Variants in INTS10 observed in about 807,000 individuals in gnomAD.
INTS10 encodes the protein integrator complex subunit 10, also known as chromosome 8 open reading frame 35.
A neutral mutation model predicts 94.4 loss-of-function variants in INTS10; 44 were observed. That is an observed-to-expected ratio of 0.47 (90% CI 0.37 to 0.60). The LOEUF (loss-of-function observed/expected upper bound fraction) is 0.60, where lower values mean the gene tolerates loss of function less well. INTS10 is among the 20% of genes least tolerant of loss of function. INTS10 has a pLI of 0.00. For missense variants in INTS10, 797 were observed against 868.7 expected, an observed-to-expected ratio of 0.92 and a Z score of 1.04; for synonymous variants, 341 against 320.7, an observed-to-expected ratio of 1.06 and a Z score of -0.68.
In INTS10 at chr8:19,817,518, G is replaced by T; in HGVS notation, c.-20G>T. On this transcript the variant is annotated 5_prime_UTR_variant, in exon 1 of 17. Transcript: ENST00000397977. ...GACGTTCCGGCCGCTTCGGGCTGGC[G>T]GCTGGAGAGCGCTCGGGTCATGTCT... is the stretch of plus-strand genomic sequence containing the variant. The T allele has an allele frequency of 1.2e-6, 2 of 1,601,348 alleles. No individual in the cohort carries two copies. Among genetic ancestry groups the T allele is most frequent in the Non-Finnish European group, 8.5e-7 (1 of 1,175,518 alleles).
At chr8:19,823,254 G>C (rs776816654) in intron 5 of INTS10, 47 bp from the exon 6 acceptor site, 19 of 1,486,926 alleles carry the variant, frequency 1.3e-5, no homozygotes, top group Non-Finnish European at 1.7e-5. Flanking sequence ...CGGAACTCTA[G>C]GGTAGACAAC....
intron 7 of INTS10, 172 bp downstream of exon 7, chr8:19,824,216 G>A: frequency 1.9e-6 from 1 of 522,164 alleles, no homozygotes; most frequent in Non-Finnish European, 3.3e-6. Context: ...TTCTGACTGG[G>A]CACAATGGCT....
chr8:19,848,262 ACTTCTCCC>A (rs2068740109), intron 16 of INTS10, among the ~76,000 whole-genome samples: 1 of 152,074 alleles, frequency 6.6e-6, no homozygotes, highest in African/African-American at 2.4e-5. Flanking sequence ...AGCAGTGTAC[ACTTCTCCC>A]CGGGGGTAAG....
At chr8:19,841,848 A>G (rs1301880230) in intron 13 of INTS10, 1 of 455,874 alleles carries the variant, frequency 2.2e-6, no homozygotes, top group South Asian at 1.6e-5. Flanking sequence ...TCAACCAGAA[A>G]TTTTCTTTTT....
chr8:19,842,882 G>A lies in INTS10; in HGVS notation c.1674G>A (p.Lys558=). 6.2e-7 allele frequency: 1 copy of A among 1,613,240 alleles called. No homozygotes were observed. The highest frequency in any genetic ancestry group is 8.5e-7 in the Non-Finnish European group (1 of 1,179,370). ...SDLKLLPCTS[K]AIMPYCLHLM... ...TGAAGCTCCTGCCTTGTACCAGCAA[G>A]GCTATCATGCCATACTGCCTCCATT... Residue 558 remains lysine, a synonymous_variant, in exon 14 of 17, where the codon AAG becomes AAA. Transcript: ENST00000397977.
At chr8:19,845,076 T>C (rs1354434688) in intron 15 of INTS10, among the ~76,000 whole-genome samples, 1 of 152,144 alleles carries the variant, frequency 6.6e-6, no homozygotes, top group Non-Finnish European at 1.5e-5. Context: ...GTAATAGTTT[T>C]TAACCATGGT....
rs926767594 is a variant in INTS10 at position 19,817,741 on chromosome 8, G to A, written c.129+75G>A. The A allele has an allele frequency of 8.2e-5, 125 of 1,526,818 alleles. No homozygotes were observed. The African/African-American group carries it at 1.6e-3, about 20-fold the overall frequency. 94.6% of individuals were successfully genotyped at this position (1,526,818 alleles called of 1,614,324 possible). A position where few individuals can be genotyped will look rare whatever the true frequency, so the allele number is the denominator to read the frequency against. On this transcript the variant is annotated intron_variant, in intron 1 of 16. Transcript: ENST00000397977. ...CCGTCGCCCGGGCTGCCCTGGCCCA[G>A]AGCTGCGCCTGCCTGGGGGCTGCCG...
chr8:19,833,132 G>A (rs1278894959), intron 11 of INTS10, 37 bp from the exon 12 acceptor site: 8 of 1,480,482 alleles, frequency 5.4e-6, no homozygotes, highest in African/African-American at 1.4e-5. Context: ...TTTTAACAGC[G>A]ATGCTTTTCC....
Position 19,849,969 on chromosome 8 carries a change from G to T in INTS10, c.1977-1680G>T, listed in dbSNP as rs973165794. 1.3e-5 allele frequency among the ~76,000 whole-genome samples: 2 copies of T among 151,776 alleles called. No individual in the cohort carries two copies. Among genetic ancestry groups the T allele is most frequent in the African/African-American group, 4.8e-5 (2 of 41,340 alleles). ...TATTTTTAGTGGTATTAAAAGCAGGGTTTATTAGCCAGGCCTGGTGGCATA... is the reference window on the plus strand; with the variant it reads ...TATTTTTAGTGGTATTAAAAGCAGGTTTTATTAGCCAGGCCTGGTGGCATA... On this transcript the variant is annotated intron_variant, in intron 16 of 16. Coordinates refer to ENST00000397977, the MANE Select transcript of INTS10 (RefSeq NM_018142.4). This position sits in a 1 kb window ranked among gnomAD's most constrained non-coding sequence, Gnocchi z 4.6.
At chr8:19,818,398 G>C (rs1015753130) in intron 2 of INTS10, 56 bp downstream of exon 2, 4 of 1,551,658 alleles carry the variant, frequency 2.6e-6, no homozygotes, top group Non-Finnish European at 3.6e-6. Context: ...ATGAGGTTTT[G>C]TTTCTCTCTG....
rs180855263 is a variant in INTS10 at position 19,836,919 on chromosome 8, T to A, written c.1531-133T>A. 1.4e-5 allele frequency: 9 copies of A among 635,182 alleles called. No individual in the cohort carries two copies. The East Asian group carries it at 2.4e-4, about 17-fold the overall frequency. The allele number at this position is 635,182 out of a possible 1,614,324, so 39.3% of individuals were successfully genotyped here. A position where few individuals can be genotyped will look rare whatever the true frequency, so the allele number is the denominator to read the frequency against. ...ATTCACTATTGAGCAATGGTAATGATCACATAGAGAGGTAGAAATACAGAC... is the reference window on the plus strand; with the variant it reads ...ATTCACTATTGAGCAATGGTAATGAACACATAGAGAGGTAGAAATACAGAC... On this transcript the variant is annotated intron_variant, in intron 12 of 16. Transcript: ENST00000397977.
chr8:19,819,098 G>A (rs1489258137), intron 2 of INTS10, among the ~76,000 whole-genome samples: 1 of 152,140 alleles, frequency 6.6e-6, no homozygotes, highest in Non-Finnish European at 1.5e-5. Flanking sequence ...TATAAAGAGT[G>A]TGTTTTCCCA....
chr8:19,845,597 T>A, intron 15 of INTS10, 107 bp from the exon 16 acceptor site: 1 of 748,932 alleles, frequency 1.3e-6, no homozygotes, highest in Non-Finnish European at 2.4e-6. Context: ...GCACCTTTTT[T>A]AGTGGGATGG....
intron 9 of INTS10, among the ~76,000 whole-genome samples, chr8:19,828,946 G>T (rs1302926804): frequency 6.6e-6 from 1 of 152,050 alleles, no homozygotes; most frequent in Admixed American, 6.6e-5. Context: ...AGAACAGTGG[G>T]GTAGGGAAAA....
intron 13 of INTS10, among the ~76,000 whole-genome samples, chr8:19,839,901 A>G (rs985926860): frequency 1.3e-5 from 2 of 151,862 alleles, no homozygotes; most frequent in African/African-American, 4.8e-5. Context: ...CATCTCTACT[A>G]ACAGTACAAA....
intron 3 of INTS10, 52 bp from the exon 4 acceptor site, chr8:19,820,327 C>T: frequency 6.4e-7 from 1 of 1,557,196 alleles, no homozygotes; most frequent in Non-Finnish European, 8.8e-7. Flanking sequence ...ACTGTTGCTG[C>T]AGTCTTTTCT....
intron 9 of INTS10, among the ~76,000 whole-genome samples, chr8:19,827,454 G>A (rs920359602): frequency 6.6e-6 from 1 of 152,064 alleles, no homozygotes; most frequent in African/African-American, 2.4e-5. Context: ...CTGGTTTACT[G>A]TCTCTGTCCC....
intron 5 of INTS10, among the ~76,000 whole-genome samples, chr8:19,822,963 C>T (rs1265780363): frequency 6.7e-6 from 1 of 149,134 alleles, no homozygotes; most frequent in Non-Finnish European, 1.5e-5. Flanking sequence ...AAAAAAAAAG[C>T]ATTTTAAACA....
chr8:19,835,313 G>A (rs559477267), intron 12 of INTS10, among the ~76,000 whole-genome samples: 3 of 152,134 alleles, frequency 2.0e-5, no homozygotes, highest in Non-Finnish European at 4.4e-5. Flanking sequence ...CTACTTAATT[G>A]AAGTATTGGT....
Sources: allele counts gnomAD v4.1 joint callset (sites outside exome capture counted in the v4.1 genomes callset), GRCh38; gene constraint gnomAD v4.1.1; non-coding constraint Gnocchi (gnomAD v3.1); transcripts MANE v1.5; gene names NCBI Gene and HGNC (gene_info 2026-07-23, HGNC 2026-07-21).